HCN1: variants seen among roughly 807,000 people sequenced by gnomAD.
HCN1 encodes hyperpolarization activated cyclic nucleotide gated potassium channel 1.
HCN1 carries 13 observed loss-of-function variants against 78.9 expected under a neutral mutation model. That is an observed-to-expected ratio of 0.16 (90% CI 0.11 to 0.26). The LOEUF (loss-of-function observed/expected upper bound fraction) is 0.26, where lower values mean the gene tolerates loss of function less well. HCN1 is among the 10% of genes least tolerant of loss of function. HCN1 has a pLI of 1.00. For missense variants in HCN1, 810 were observed against 1,154.3 expected, an observed-to-expected ratio of 0.70 and a Z score of 4.32; for synonymous variants, 552 against 455.5, an observed-to-expected ratio of 1.21 and a Z score of -2.70.
chr5:45,339,990 C>G (rs1383303543), intron 5 of HCN1, among the ~76,000 whole-genome samples: 1 of 152,152 alleles, frequency 6.6e-6, no homozygotes, highest in Non-Finnish European at 1.5e-5. Context: ...ATGATCTTGG[C>G]CCACTGCAAC....
At chr5:45,316,995 T>C (rs1013917507) in intron 5 of HCN1, among the ~76,000 whole-genome samples, 4 of 152,112 alleles carry the variant, frequency 2.6e-5, no homozygotes, top group Admixed American at 2.0e-4. Flanking sequence ...CTGCCCAAGG[T>C]AACTTATTGA....
chr5:45,488,941 A>G (rs1741826114), intron 2 of HCN1, among the ~76,000 whole-genome samples: 1 of 152,200 alleles, frequency 6.6e-6, no homozygotes. Flanking sequence ...TTTTGCCTTA[A>G]AGCCTTGATT....
chr5:45,375,653 A>G lies in HCN1; in HGVS notation c.1230+20839T>C, dbSNP rs1747614483. On this transcript the variant is annotated intron_variant, in intron 4 of 7. Transcript: ENST00000303230. ...GATCATATTTTATGATACATATTAT[A>G]TATAAGATCATATTTTATGATACAT... Among the ~76,000 whole-genome samples the G allele has an allele frequency of 8.3e-5, 8 of 96,888 alleles. No homozygotes were observed. The South Asian group carries it at 2.4e-3, about 29-fold the overall frequency. The allele number at this position is 96,888 out of a possible 152,430, so 63.6% of individuals were successfully genotyped here.
At chr5:45,354,601 C>A (rs1746973668) in intron 4 of HCN1, among the ~76,000 whole-genome samples, 1 of 152,004 alleles carries the variant, frequency 6.6e-6, no homozygotes, top group South Asian at 2.1e-4. Context: ...TGCATCTCTT[C>A]ATTTTTTCCA....
At chr5:45,676,941 A>G (rs1746277572) in intron 1 of HCN1, among the ~76,000 whole-genome samples, 1 of 151,828 alleles carries the variant, frequency 6.6e-6, no homozygotes, top group African/African-American at 2.4e-5. Flanking sequence ...CTAGCAATCC[A>G]TATATCATAT....
At chr5:45,308,495 TCTC>T (rs1377545136) in intron 5 of HCN1, among the ~76,000 whole-genome samples, 4 of 152,238 alleles carry the variant, frequency 2.6e-5, no homozygotes, top group African/African-American at 9.6e-5. Context: ...TTTAAAAAGA[TCTC>T]CTAGTAAATG....
Position 45,648,493 on chromosome 5 carries a change from TA to T in HCN1, c.426-2886del, listed in dbSNP as rs578107278. Among the ~76,000 whole-genome samples, 1,174 of 152,268 alleles carry T rather than the reference TA, an allele frequency of 7.7e-3. 5 individuals are homozygous for T. Among genetic ancestry groups the T allele is most frequent in the Middle Eastern group, 0.054 (16 of 294 alleles). On this transcript the variant is annotated intron_variant, in intron 1 of 7. Transcript: ENST00000303230. ...TTGCAGACAAAACCACAGGTGCTTT[TA>T]TATGCTTACATAATATTGTCTTTAG...
chr5:45,590,967 G>T (rs1429084162), intron 2 of HCN1, among the ~76,000 whole-genome samples: 2 of 151,976 alleles, frequency 1.3e-5, no homozygotes, highest in Non-Finnish European at 2.9e-5. Flanking sequence ...GAGCAACTGG[G>T]ACTACAGGCA....
chr5:45,558,438 AG>A (rs1270000077), intron 2 of HCN1: 1 of 152,196 alleles, frequency 6.6e-6, no homozygotes, highest in Non-Finnish European at 1.5e-5. Flanking sequence ...GTTATCCAAA[AG>A]ATCTAGCTAA....
intron 6 of HCN1, among the ~76,000 whole-genome samples, chr5:45,294,236 T>C (rs1286664626): frequency 6.6e-6 from 1 of 152,014 alleles, no homozygotes; most frequent in African/African-American, 2.4e-5. Flanking sequence ...CTGTGGTTTT[T>C]TCGAATCGGT....
chr5:45,498,303 C>G (rs569398982), intron 2 of HCN1, among the ~76,000 whole-genome samples: 1 of 152,224 alleles, frequency 6.6e-6, no homozygotes, highest in African/African-American at 2.4e-5. Context: ...TCTTTTTTCT[C>G]TAAACTTCAC....
chr5:45,262,858 A>G, intron 7 of HCN1, 48 bp from the exon 8 acceptor site: 2 of 1,603,248 alleles, frequency 1.2e-6, no homozygotes, highest in East Asian at 4.5e-5. Context: ...CCAATGACTG[A>G]TGACAACGCC....
chr5:45,632,903 G>T (rs1190128656), intron 2 of HCN1, among the ~76,000 whole-genome samples: 8 of 152,012 alleles, frequency 5.3e-5, no homozygotes, highest in African/African-American at 1.4e-4. Flanking sequence ...TTTGAATAAG[G>T]TAAGTGTTTT....
intron 2 of HCN1, among the ~76,000 whole-genome samples, chr5:45,553,817 T>G (rs778370847): frequency 2.0e-4 from 30 of 151,930 alleles, no homozygotes; most frequent in Admixed American, 7.9e-4. Flanking sequence ...TGTTTTTTAT[T>G]GATTTTTTCA....
At chr5:45,308,280 C>A (rs1330516815) in intron 5 of HCN1, among the ~76,000 whole-genome samples, 1 of 151,930 alleles carries the variant, frequency 6.6e-6, no homozygotes, top group African/African-American at 2.4e-5. Flanking sequence ...AATCGTGAGA[C>A]AAATAAATTT....
intron 2 of HCN1, among the ~76,000 whole-genome samples, chr5:45,581,481 T>C (rs970339141): frequency 1.4e-4 from 22 of 152,210 alleles, no homozygotes; most frequent in Admixed American, 3.9e-4. Flanking sequence ...GCCTGTTCAC[T>C]CTGATGGCAG....
chr5:45,404,951 C>T lies in HCN1; in HGVS notation c.1012-8241G>A, dbSNP rs531722209. 2.6e-5 allele frequency among the ~76,000 whole-genome samples: 4 copies of T among 151,950 alleles called. No individual in the cohort carries two copies. In the South Asian group the frequency reaches 6.2e-4, roughly 24 times the overall value. Reference sequence around the variant, plus strand: ...ATTTGCAAGCAAATACAAGTATAAACGTGTTGAAGTAGGTAAAATCTTAGG... The same window carrying T: ...ATTTGCAAGCAAATACAAGTATAAATGTGTTGAAGTAGGTAAAATCTTAGG... On this transcript the variant is annotated intron_variant, in intron 3 of 7. Coordinates refer to ENST00000303230, the MANE Select transcript of HCN1 (RefSeq NM_021072.4).
At position 45,255,167 on chromosome 5, in the gene HCN1, A is replaced by G. The variant is rs1434311949; in HGVS notation, c.*6754T>C. On this transcript the variant is annotated 3_prime_UTR_variant, in exon 8 of 8. Coordinates refer to ENST00000303230, the MANE Select transcript of HCN1 (RefSeq NM_021072.4). ...CAAGTGCCAGGAGGCAGGCTGGGTT[A>G]GACAGCGTGACCAAGAGTAAACTTT... 6.6e-6 allele frequency: 1 copy of G among 152,210 alleles called. No individual in the cohort carries two copies. The highest frequency in any genetic ancestry group is 2.4e-5 in the African/African-American group (1 of 41,448). 9.4% of individuals were successfully genotyped at this position (152,210 alleles called of 1,614,324 possible).
chr5:45,604,502 C>T (rs1427726342), intron 2 of HCN1, among the ~76,000 whole-genome samples: 2 of 151,920 alleles, frequency 1.3e-5, no homozygotes, highest in African/African-American at 4.8e-5. Context: ...GCCAGCCATA[C>T]AGGTGACAAA....
Sources: gnomAD v4.1 joint callset for allele counts (sites outside exome capture counted in the v4.1 genomes callset) on GRCh38, gnomAD v4.1.1 for gene constraint, MANE v1.5 for transcripts, NCBI Gene and HGNC (gene_info 2026-07-23, HGNC 2026-07-21) for gene names.